Variants in TBL1XR1 observed in about 807,000 individuals in gnomAD.
The protein encoded by TBL1XR1 is F-box-like/WD repeat-containing protein TBL1XR1.
A neutral mutation model predicts 66.9 loss-of-function variants in TBL1XR1; 5 were observed. That is an observed-to-expected ratio of 0.07 (90% CI 0.04 to 0.16). TBL1XR1 has a LOEUF of 0.16. TBL1XR1 is among the 10% of genes least tolerant of loss of function. TBL1XR1 has a pLI of 1.00. For missense variants in TBL1XR1, 238 were observed against 623.2 expected (o/e 0.38, Z 6.58); for synonymous variants, 210 against 206.0 (o/e 1.02, Z -0.17).
chr3:177,107,101 C>T (rs772009481), intron 1 of TBL1XR1, among the ~76,000 whole-genome samples: 8 of 151,626 alleles, frequency 5.3e-5, no homozygotes, highest in Non-Finnish European at 4.4e-5. Context: ...TGCAATAGGC[C>T]TCTTTAAAAA....
Position 177,127,229 on chromosome 3 carries a change from A to C in TBL1XR1, c.-121-28688T>G, listed in dbSNP as rs183849417. On this transcript the variant is annotated intron_variant, in intron 1 of 15. Transcript: ENST00000457928. ...AGCTCAACTTGTATATCTAGTTCCC[A>C]AGTCCCTTGAGTCATTTCTTTTATG... 1.1e-4 allele frequency among the ~76,000 whole-genome samples: 16 copies of C among 152,330 alleles called. No individual in the cohort carries two copies. In the East Asian group the frequency reaches 3.1e-3, roughly 29 times the overall value.
intron 1 of TBL1XR1, among the ~76,000 whole-genome samples, chr3:177,178,422 TA>T (rs1270040825): frequency 6.6e-6 from 1 of 152,082 alleles, no homozygotes; most frequent in Non-Finnish European, 1.5e-5. Context: ...AGTCACATGC[TA>T]AAAGTAACAA....
intron 1 of TBL1XR1, among the ~76,000 whole-genome samples, chr3:177,163,088 T>C (rs1036865870): frequency 3.9e-5 from 6 of 152,202 alleles, no homozygotes; most frequent in African/African-American, 1.2e-4. Flanking sequence ...GAATGATCTA[T>C]GTACCAAGGT....
intron 1 of TBL1XR1, among the ~76,000 whole-genome samples, chr3:177,177,799 G>A (rs894226832): frequency 6.6e-6 from 1 of 152,076 alleles, no homozygotes; most frequent in African/African-American, 2.4e-5. Context: ...TCCTGTTCTA[G>A]GTAGCTGCAG....
chr3:177,021,814 T>C lies in TBL1XR1; in HGVS notation c.*3684A>G, dbSNP rs974524010. 1 of 152,596 alleles carries C rather than the reference T, an allele frequency of 6.6e-6. No homozygotes were observed. Among genetic ancestry groups the C allele is most frequent in the African/African-American group, 2.4e-5 (1 of 41,454 alleles). 9.5% of individuals were successfully genotyped at this position (152,596 alleles called of 1,614,324 possible). A position where few individuals can be genotyped will look rare whatever the true frequency, so the allele number is the denominator to read the frequency against. The stretch of plus-strand genomic sequence containing the variant: ...AACTGTCAACAGTAGTAATTCACCA[T>C]ATGCAAGTACCATCCTTATCATGCG... On this transcript the variant is annotated 3_prime_UTR_variant, in exon 16 of 16. Coordinates refer to ENST00000457928, the MANE Select transcript of TBL1XR1 (RefSeq NM_024665.7).
At chr3:177,030,326 A>C (rs924693773) in intron 14 of TBL1XR1, among the ~76,000 whole-genome samples, 1 of 151,810 alleles carries the variant, frequency 6.6e-6, no homozygotes. Flanking sequence ...TATTCATATA[A>C]TGCTCTGGAA....
At chr3:177,194,114 TCTCA>T (rs1736521487) in intron 1 of TBL1XR1, 1 of 152,218 alleles carries the variant, frequency 6.6e-6, no homozygotes, top group South Asian at 2.1e-4. Flanking sequence ...GCATCAGCGC[TCTCA>T]GAGTCTTTTC....
intron 1 of TBL1XR1, among the ~76,000 whole-genome samples, chr3:177,123,797 A>T (rs559798690): frequency 3.7e-5 from 1 of 26,956 alleles, no homozygotes; most frequent in East Asian, 1.9e-3. Flanking sequence ...TACATTTTGA[A>T]CAATCTACTC....
At chr3:177,185,946 G>C (rs961620433) in intron 1 of TBL1XR1, among the ~76,000 whole-genome samples, 2 of 152,174 alleles carry the variant, frequency 1.3e-5, no homozygotes, top group Admixed American at 6.6e-5. Context: ...AGGAGTTGGA[G>C]GGTAAAGTGA....
chr3:177,168,855 A>C lies in TBL1XR1; in HGVS notation c.-122+28266T>G, dbSNP rs1165297050. On this transcript the variant is annotated intron_variant, in intron 1 of 15. Transcript: ENST00000457928. Reference sequence around the variant, plus strand: ...TATTTAAAGTATTCACTTCATTGAAATCTTCAGCCATTTTATGGTTTTCCA... The same window carrying C: ...TATTTAAAGTATTCACTTCATTGAACTCTTCAGCCATTTTATGGTTTTCCA... Among the ~76,000 whole-genome samples, 9 of 152,330 alleles carry C rather than the reference A, an allele frequency of 5.9e-5. No homozygotes were observed. The East Asian group carries it at 9.6e-4, about 16-fold the overall frequency.
At position 177,060,149 on chromosome 3, in the gene TBL1XR1, C is replaced by CT. The variant is rs754737305; in HGVS notation, c.58+4770dup. On this transcript the variant is annotated intron_variant, in intron 3 of 15. Transcript: ENST00000457928. ...AACTTGCAGACAGCCTATTGTGGGT[C>CT]TTTACTTTGTGATTGTGTGAGTCAA... Among the ~76,000 whole-genome samples the CT allele has an allele frequency of 1.3e-4, 20 of 152,038 alleles. No individual in the cohort carries two copies. In the Middle Eastern group the frequency reaches 0.017, roughly 129 times the overall value.
At position 177,050,708 on chromosome 3, in the gene TBL1XR1, C is replaced by A. The variant is rs939218003; in HGVS notation, c.428-98G>T. On this transcript the variant is annotated intron_variant, in intron 5 of 15. Coordinates refer to ENST00000457928, the MANE Select transcript of TBL1XR1 (RefSeq NM_024665.7). ...CTAGCAAATACCTTCCTTTATCGCA[C>A]ACAGTGTAACATTTTTCAATTATAT... is the stretch of plus-strand genomic sequence containing the variant. The A allele has an allele frequency of 3.0e-6, 4 of 1,327,704 alleles. No individual in the cohort carries two copies. The African/African-American group carries it at 5.8e-5, about 19-fold the overall frequency. 82.2% of individuals were successfully genotyped at this position (1,327,704 alleles called of 1,614,324 possible). A position where few individuals can be genotyped will look rare whatever the true frequency, so the allele number is the denominator to read the frequency against.
intron 1 of TBL1XR1, among the ~76,000 whole-genome samples, chr3:177,155,945 G>T (rs1356824880): frequency 1.3e-5 from 2 of 151,894 alleles, no homozygotes; most frequent in Non-Finnish European, 2.9e-5. Flanking sequence ...AGAGGTGAAG[G>T]TTGTGGTGAG....
In TBL1XR1 at chr3:177,023,739, C is replaced by A. The variant is rs1712694888; in HGVS notation, c.*1759G>T. 1 of 152,438 alleles carries A rather than the reference C, an allele frequency of 6.6e-6. No individual in the cohort carries two copies. The highest frequency in any genetic ancestry group is 1.5e-5 in the Non-Finnish European group (1 of 67,928). 9.4% of individuals were successfully genotyped at this position (152,438 alleles called of 1,614,324 possible). A position where few individuals can be genotyped will look rare whatever the true frequency, so the allele number is the denominator to read the frequency against. On this transcript the variant is annotated 3_prime_UTR_variant, in exon 16 of 16. Transcript: ENST00000457928. ...CAACGAATGCTGAAATCAATCAAAG[C>A]TGCATTACTTGGGTTAAATCAGTTT...
intron 1 of TBL1XR1, among the ~76,000 whole-genome samples, chr3:177,138,750 G>C (rs2108811967): frequency 6.6e-6 from 1 of 152,230 alleles, no homozygotes; most frequent in South Asian, 2.1e-4. Flanking sequence ...AGCAAAAAGG[G>C]AGAAAAAGGA....
intron 2 of TBL1XR1, among the ~76,000 whole-genome samples, chr3:177,087,953 T>C (rs943814216): frequency 3.3e-5 from 5 of 152,170 alleles, no homozygotes; most frequent in Non-Finnish European, 7.4e-5. Flanking sequence ...TATTCAGTGA[T>C]AGGACACCTT....
At chr3:177,046,296 T>C (rs1242903693) in intron 9 of TBL1XR1, 107 bp from the exon 10 acceptor site, 4 of 792,976 alleles carry the variant, frequency 5.0e-6, no homozygotes, top group Non-Finnish European at 7.7e-6. Flanking sequence ...TCAGAGTGGA[T>C]TTAATTTTAA....
rs1023545777 is a variant in TBL1XR1, at chr3:177,158,113, T to G, written c.-122+39008A>C. 4.6e-5 allele frequency among the ~76,000 whole-genome samples: 7 copies of G among 151,166 alleles called. No homozygotes were observed. The East Asian group carries it at 1.4e-3, about 29-fold the overall frequency. ...GTAGTTTTCAATAAAACAATCTACA[T>G]GAAGAACTGGATAGTTTTTATAACA... On this transcript the variant is annotated intron_variant, in intron 1 of 15. Coordinates refer to ENST00000457928, the MANE Select transcript of TBL1XR1 (RefSeq NM_024665.7).
chr3:177,076,563 T>C (rs74784340), intron 2 of TBL1XR1, among the ~76,000 whole-genome samples: 2,336 of 152,244 alleles, frequency 0.015, 74 homozygotes, highest in African/African-American at 0.053. Flanking sequence ...TCTATAACAG[T>C]CACACTAAGC....
Sources: gnomAD v4.1 joint callset for allele counts (sites outside exome capture counted in the v4.1 genomes callset) on GRCh38, gnomAD v4.1.1 for gene constraint, MANE v1.5 for transcripts, NCBI Gene and HGNC (gene_info 2026-07-23, HGNC 2026-07-21) for gene names.